The following ERCC3 variants were observed in gnomAD, a reference collection of about 807,000 sequenced individuals.
ERCC3 encodes general transcription and DNA repair factor IIH helicase/translocase subunit XPB.
In ERCC3, 66 loss-of-function variants were observed where a neutral mutation model predicts 94.2. The observed-to-expected ratio is 0.70, with a 90% confidence interval of 0.57 to 0.86. The LOEUF is 0.86. ERCC3 is among the 40% of genes least tolerant of loss of function. ERCC3 has a pLI of 0.00. For missense variants in ERCC3, 829 were observed against 987.1 expected (o/e 0.84, Z 2.15); for synonymous variants, 349 against 369.1 (o/e 0.95, Z 0.63).
chr2:127,266,445 C>T (rs1162800354), intron 12 of ERCC3, among the ~76,000 whole-genome samples: 3 of 147,762 alleles, frequency 2.0e-5, no homozygotes, highest in Non-Finnish European at 4.4e-5. Context: ...ACGCCATTCT[C>T]CTGCCTCAGC....
rs2104725895 is a variant in ERCC3 at position 127,257,687 on chromosome 2, G to A, written c.2258C>T (p.Ala753Val). 6.2e-6 allele frequency: 10 copies of A among 1,614,162 alleles called. No individual in the cohort carries two copies. Among genetic ancestry groups the A allele is most frequent in the Non-Finnish European group, 8.5e-6 (10 of 1,180,024 alleles). Residue 753 changes from alanine (A) to valine (V), a missense_variant, in exon 15 of 15, where the codon GCC becomes GTC. Coordinates refer to ENST00000285398, the MANE Select transcript of ERCC3 (RefSeq NM_000122.2). This position sits in a 1 kb window ranked among gnomAD's most constrained non-coding sequence, Gnocchi z 5.4. ...GTACTCCATGTACACAGTGTCGTCG[G>A]CCCCAGACATAGAACTCATGGTGCC... ...RFGTMSSMSG[A>V]DDTVYMEYHS...
chr2:127,288,973 T>A, intron 6 of ERCC3, 109 bp from the exon 7 acceptor site: 1 of 909,056 alleles, frequency 1.1e-6, no homozygotes, highest in Non-Finnish European at 1.8e-6. Flanking sequence ...TCTAAACTTC[T>A]ACAAGATTTT....
At chr2:127,283,623 A>G (rs1684984545) in intron 8 of ERCC3, among the ~76,000 whole-genome samples, 1 of 152,238 alleles carries the variant, frequency 6.6e-6, no homozygotes, top group Non-Finnish European at 1.5e-5. Flanking sequence ...TGGTAATTTC[A>G]TAATAAATGG....
Position 127,292,796 on chromosome 2 carries a change from A to C in ERCC3, c.285T>G (p.Tyr95Ter). The C allele has an allele frequency of 6.2e-7, 1 of 1,613,904 alleles. No homozygotes were observed. Among genetic ancestry groups the C allele is most frequent in the Non-Finnish European group, 8.5e-7 (1 of 1,180,010 alleles). The part of the protein sequence containing the change: ...FLEAFSPVYK[Y>*]AQDFLVAIAE... ...CAATAGCCACCAAGAAGTCTTGGGC[A>C]TATTTGTAAACTGGAGAGAAGGCTT... is the stretch of plus-strand genomic sequence containing the variant. Residue 95 changes from tyrosine (Y) to a stop codon, truncating the protein, a stop_gained, in exon 3 of 15, where the codon TAT becomes TAG. Coordinates refer to ENST00000285398, the MANE Select transcript of ERCC3 (RefSeq NM_000122.2). LOFTEE classifies it high-confidence loss of function.
Position 127,280,902 on chromosome 2 carries a change from G to A in ERCC3, c.1343-271C>T. On this transcript the variant is annotated intron_variant, in intron 8 of 14. Coordinates refer to ENST00000285398, the MANE Select transcript of ERCC3 (RefSeq NM_000122.2). The surrounding 1 kb of genome is among the most constrained non-coding windows in gnomAD (Gnocchi z 6.3). The stretch of plus-strand genomic sequence containing the variant: ...TATGACACCACCTGAACTAACCCTT[G>A]GGTTTCAGGACCACAGAAGCTGGCT... 1.9e-6 allele frequency: 1 copy of A among 514,416 alleles called. No homozygotes were observed. Among genetic ancestry groups the A allele is most frequent in the East Asian group, 3.0e-5 (1 of 33,576 alleles). 31.9% of individuals were successfully genotyped at this position (514,416 alleles called of 1,614,324 possible). A position where few individuals can be genotyped will look rare whatever the true frequency, so the allele number is the denominator to read the frequency against.
Position 127,259,261 on chromosome 2 carries a change from A to C in ERCC3, c.2217+35T>G. The C allele has an allele frequency of 6.2e-7, 1 of 1,613,552 alleles. No individual in the cohort carries two copies. ...TCTACAAACGCTGCCCTGTGAGAGC[A>C]CTGACACCTGGAACCTCCTCACCCA... is the stretch of plus-strand genomic sequence containing the variant. On this transcript the variant is annotated intron_variant, in intron 14 of 14. Transcript: ENST00000285398. The surrounding 1 kb of genome is among the most constrained non-coding windows in gnomAD (Gnocchi z 4.9).
chr2:127,278,444 A>G (rs1250080461), intron 10 of ERCC3, among the ~76,000 whole-genome samples: 1 of 152,190 alleles, frequency 6.6e-6, no homozygotes, highest in African/African-American at 2.4e-5. Flanking sequence ...AAACTTAAGA[A>G]ATTTAATCTT....
intron 12 of ERCC3, among the ~76,000 whole-genome samples, chr2:127,266,709 ATTTTT>A (rs960627621): frequency 1.1e-5 from 1 of 87,336 alleles, no homozygotes. Flanking sequence ...ATGATCAATT[ATTTTT>A]TTTTTTTTTT....
intron 13 of ERCC3, chr2:127,260,848 T>C (rs1684169167): frequency 4.5e-6 from 1 of 220,336 alleles, no homozygotes; most frequent in Admixed American, 5.2e-5. Flanking sequence ...ATTATTAAAA[T>C]ACCTGATTTG....
At chr2:127,282,121 C>T (rs1268783981) in intron 8 of ERCC3, among the ~76,000 whole-genome samples, 1 of 152,214 alleles carries the variant, frequency 6.6e-6, no homozygotes, top group East Asian at 1.9e-4. Context: ...GCTGTGGAAC[C>T]ACCTAGATCA....
chr2:127,260,924 C>T (rs910216870), intron 13 of ERCC3: 6 of 410,428 alleles, frequency 1.5e-5, no homozygotes, highest in East Asian at 5.0e-5. Context: ...AGCTTACCAG[C>T]TGATGAAAGG....
In ERCC3 at chr2:127,261,461, G is replaced by A. The variant is rs188686347; in HGVS notation, c.1946-115C>T. The A allele has an allele frequency of 3.9e-5, 31 of 786,138 alleles. No individual in the cohort carries two copies. The Admixed American group carries it at 4.0e-4, about 10-fold the overall frequency. The allele number at this position is 786,138 out of a possible 1,614,324, so 48.7% of individuals were successfully genotyped here. ...ACTGGAGTGGAAAAGCCCTGCACTC[G>A]GGGTTACCACCTGAACTTGGCATGG... On this transcript the variant is annotated intron_variant, in intron 12 of 14. Coordinates refer to ENST00000285398, the MANE Select transcript of ERCC3 (RefSeq NM_000122.2).
chr2:127,279,393 C>T lies in ERCC3; in HGVS notation c.1528-18G>A, dbSNP rs774571431. Reference sequence around the variant, plus strand: ...CACCAGACCTGTAATACAGTAAGAACCAGGGGTCATTTTACAAGTTTAAAC... The same window carrying T: ...CACCAGACCTGTAATACAGTAAGAATCAGGGGTCATTTTACAAGTTTAAAC... On this transcript the variant is annotated intron_variant, in intron 9 of 14. Transcript: ENST00000285398. The surrounding 1 kb of genome is among the most constrained non-coding windows in gnomAD (Gnocchi z 4.7). 4.4e-6 allele frequency: 7 copies of T among 1,575,864 alleles called. No homozygotes were observed. The highest frequency in any genetic ancestry group is 1.3e-5 in the African/African-American group (1 of 74,088).
At chr2:127,285,364 A>C (rs945879153) in intron 8 of ERCC3, among the ~76,000 whole-genome samples, 1 of 152,186 alleles carries the variant, frequency 6.6e-6, no homozygotes, top group Non-Finnish European at 1.5e-5. Flanking sequence ...CTTCAAGACC[A>C]GCCTGGCTAA....
At chr2:127,266,718 T>TA (rs1684383766) in intron 12 of ERCC3, among the ~76,000 whole-genome samples, 2 of 141,142 alleles carry the variant, frequency 1.4e-5, no homozygotes, top group Non-Finnish European at 3.1e-5. Context: ...TATTTTTTTT[T>TA]TTTTTTTTTT....
At chr2:127,260,683 G>T (rs553484110) in intron 13 of ERCC3, 1 of 161,862 alleles carries the variant, frequency 6.2e-6, no homozygotes, top group East Asian at 1.8e-4. Flanking sequence ...ACCATAGGGG[G>T]AATTTAATTC....
Position 127,257,962 on chromosome 2 carries a change from C to T in ERCC3, c.2218-235G>A, listed in dbSNP as rs1684071441. On this transcript the variant is annotated intron_variant, in intron 14 of 14. Transcript: ENST00000285398. The surrounding 1 kb of genome is among the most constrained non-coding windows in gnomAD (Gnocchi z 5.4). The stretch of plus-strand genomic sequence containing the variant: ...CACCTGAAAGAAGAGGAAACTGAGA[C>T]ACAGAGAGATTAACTAACCTATCCA... 6.6e-6 allele frequency among the ~76,000 whole-genome samples: 1 copy of T among 152,156 alleles called. No homozygotes were observed. The highest frequency in any genetic ancestry group is 1.9e-4 in the East Asian group (1 of 5,196).
At chr2:127,261,148 G>T in intron 13 of ERCC3, 80 bp downstream of exon 13, 1 of 829,330 alleles carries the variant, frequency 1.2e-6, no homozygotes, top group Non-Finnish European at 2.2e-6. Flanking sequence ...CCTGCTGACA[G>T]TGGCCCTCGC....
rs939789807 is a variant in ERCC3 at position 127,264,434 on chromosome 2, C to G, written c.1946-3088G>C. ...TGAGCCAAGATTGCACCATTGCACT[C>G]CAGCCTGGGCAACAAGAGCAAGACT... On this transcript the variant is annotated intron_variant, in intron 12 of 14. Transcript: ENST00000285398. The surrounding 1 kb of genome is among the most constrained non-coding windows in gnomAD (Gnocchi z 4.4). Among the ~76,000 whole-genome samples, 5 of 152,206 alleles carry G rather than the reference C, an allele frequency of 3.3e-5. No homozygotes were observed. Among genetic ancestry groups the G allele is most frequent in the African/African-American group, 1.2e-4 (5 of 41,448 alleles).
Sources: allele counts gnomAD v4.1 joint callset (sites outside exome capture counted in the v4.1 genomes callset), GRCh38; gene constraint gnomAD v4.1.1; non-coding constraint Gnocchi (gnomAD v3.1); transcripts MANE v1.5; gene names NCBI Gene and HGNC (gene_info 2026-07-23, HGNC 2026-07-21).